The following ARHGAP32 variants were observed in gnomAD, a reference collection of about 807,000 sequenced individuals.
The protein encoded by ARHGAP32 is Rho GTPase activating protein 32, also known as rho GTPase-activating protein 32.
Under a neutral mutation model 186.5 loss-of-function variants are expected in ARHGAP32, and 51 were observed. The observed-to-expected ratio is 0.27, with a 90% confidence interval of 0.22 to 0.35. The LOEUF is 0.35. Ranked by LOEUF, ARHGAP32 falls within the 10% of genes least tolerant of loss-of-function variation. The probability of loss-of-function intolerance (pLI) is 1.00; values close to 1 mark genes in which losing one functional copy is unlikely to be tolerated. For synonymous variants in ARHGAP32, 950 were observed against 964.3 expected (o/e 0.99, Z 0.27); for missense variants, 2,186 against 2,623.5 (o/e 0.83, Z 3.64).
chr11:129,064,090 ATAAAAGAAATTC>A (rs1664859751), intron 8 of ARHGAP32, 66 bp from the exon 9 acceptor site: 2 of 1,410,418 alleles, frequency 1.4e-6, no homozygotes, highest in Non-Finnish European at 9.5e-7. Context: ...TTGACTATCT[ATAAAAGAAATTC>A]ATTTTAATTT....
intron 10 of ARHGAP32, among the ~76,000 whole-genome samples, chr11:129,052,941 T>C (rs755693186): frequency 7.9e-5 from 12 of 151,820 alleles, no homozygotes; most frequent in Admixed American, 2.0e-4. Flanking sequence ...AAAGAGGGGG[T>C]ATTAGGGTTT....
intron 1 of ARHGAP32, among the ~76,000 whole-genome samples, chr11:129,170,591 T>C (rs945710202): frequency 2.6e-5 from 4 of 152,186 alleles, no homozygotes; most frequent in Non-Finnish European, 2.9e-5. Flanking sequence ...TGATGGCCAT[T>C]TGGGTTGGTT....
chr11:129,195,375 A>G (rs1422834845), upstream of ARHGAP32, among the ~76,000 whole-genome samples: 1 of 152,180 alleles, frequency 6.6e-6, no homozygotes, highest in Non-Finnish European at 1.5e-5. Flanking sequence ...GAGCCTTTCA[A>G]AAGTGAAAAC....
At chr11:128,991,426 A>C (rs1946047639) in intron 12 of ARHGAP32, among the ~76,000 whole-genome samples, 2 of 152,190 alleles carry the variant, frequency 1.3e-5, no homozygotes, top group African/African-American at 4.8e-5. Flanking sequence ...CTTGAAGAAA[A>C]GGAGCAAAAA....
At position 129,100,534 on chromosome 11, in the gene ARHGAP32, G is replaced by A. The variant is rs115227398; in HGVS notation, c.445-6827C>T. On this transcript the variant is annotated intron_variant, in intron 5 of 22. Transcript: ENST00000682385. Reference sequence around the variant, plus strand: ...TCCACACATCACTTTGCTGGCACATGTCAGTATGGGCAGGTTTCGCTTTCC... The same window carrying A: ...TCCACACATCACTTTGCTGGCACATATCAGTATGGGCAGGTTTCGCTTTCC... 3.1e-3 allele frequency among the ~76,000 whole-genome samples: 476 copies of A among 152,242 alleles called. 4 individuals are homozygous for A. The highest frequency in any genetic ancestry group is 0.011 in the African/African-American group (460 of 41,524).
Position 129,265,815 on chromosome 11 carries a change from A to G in ARHGAP32, c.-5+13331T>C, listed in dbSNP as rs779231408. Among the ~76,000 whole-genome samples, 40 of 152,230 alleles carry G rather than the reference A, an allele frequency of 2.6e-4. 1 individual carries two copies. The highest frequency in any genetic ancestry group is 4.3e-4 in the Non-Finnish European group (29 of 68,034). ...TTCCTGTCTTATGTAATCTAACCTTATATAAATGAGTTTGAGGTGACCATT... is the reference window on the plus strand; with the variant it reads ...TTCCTGTCTTATGTAATCTAACCTTGTATAAATGAGTTTGAGGTGACCATT... On this transcript the variant is annotated intron_variant, in intron 1 of 6. Coordinates refer to the ARHGAP32 transcript ENST00000525234.
intron 2 of ARHGAP32, among the ~76,000 whole-genome samples, chr11:129,161,162 A>G (rs1218951870): frequency 6.6e-6 from 1 of 152,196 alleles, no homozygotes; most frequent in Non-Finnish European, 1.5e-5. Flanking sequence ...CTCAAAATGA[A>G]TTAAAGACTT....
chr11:129,129,528 G>A (rs373503010), intron 2 of ARHGAP32, among the ~76,000 whole-genome samples: 10 of 152,366 alleles, frequency 6.6e-5, no homozygotes, highest in African/African-American at 2.4e-4. Context: ...ACCTGTCTGG[G>A]AGGTGTACCC....
At chr11:129,104,019 A>T (rs192367379) in intron 5 of ARHGAP32, among the ~76,000 whole-genome samples, 2 of 152,266 alleles carry the variant, frequency 1.3e-5, no homozygotes, top group Admixed American at 1.3e-4. Context: ...TAACAGATGG[A>T]ACGGTTTAAG....
At chr11:129,037,642 T>C (rs1201290315) in intron 11 of ARHGAP32, among the ~76,000 whole-genome samples, 1 of 151,964 alleles carries the variant, frequency 6.6e-6, no homozygotes, top group African/African-American at 2.4e-5. Context: ...CATCCTACTC[T>C]GTAGAAACTG....
intron 2 of ARHGAP32, among the ~76,000 whole-genome samples, chr11:129,151,557 C>T (rs1395513198): frequency 2.0e-5 from 3 of 151,948 alleles, no homozygotes; most frequent in Non-Finnish European, 4.4e-5. Context: ...GAAATTAACT[C>T]GAAAAGGAAC....
chr11:129,240,224 T>C (rs1249024424), intron 1 of ARHGAP32, among the ~76,000 whole-genome samples: 1 of 152,100 alleles, frequency 6.6e-6, no homozygotes, highest in African/African-American at 2.4e-5. Context: ...GGTAAAGTTA[T>C]AGCAGTTTAG....
intron 10 of ARHGAP32, among the ~76,000 whole-genome samples, chr11:129,056,098 A>C (rs181285242): frequency 1.3e-3 from 196 of 152,232 alleles, no homozygotes; most frequent in Non-Finnish European, 1.6e-4. Flanking sequence ...AGGTAAACTC[A>C]GCTAATCAGC....
chr11:128,983,436 T>C (rs1945767499), intron 15 of ARHGAP32, among the ~76,000 whole-genome samples: 2 of 151,442 alleles, frequency 1.3e-5, no homozygotes, highest in Admixed American at 6.6e-5. Context: ...TAGGTGGGAA[T>C]TGAACAATGA....
chr11:129,015,593 C>G (rs1228098356), intron 11 of ARHGAP32, among the ~76,000 whole-genome samples: 2 of 152,140 alleles, frequency 1.3e-5, no homozygotes, highest in Non-Finnish European at 2.9e-5. Context: ...TCATTTCCAT[C>G]CATGTAACGA....
chr11:129,193,569 A>AT (rs1944319135), upstream of ARHGAP32, among the ~76,000 whole-genome samples: 1 of 12,982 alleles, frequency 7.7e-5, no homozygotes, highest in Non-Finnish European at 1.3e-4. Flanking sequence ...TATTATATAT[A>AT]ATATATATAT....
Position 129,164,365 on chromosome 11 carries a change from A to G in ARHGAP32, c.179T>C (p.Val60Ala). 1.3e-6 allele frequency: 2 copies of G among 1,584,376 alleles called. No individual in the cohort carries two copies. The highest frequency in any genetic ancestry group is 1.7e-6 in the Non-Finnish European group (2 of 1,163,746). Reference sequence around the variant, plus strand: ...CCAATCAGGCCGCTCTCGAGGGTGTACATTTCTATGTAGCTCTGGAACAAA... The same window carrying G: ...CCAATCAGGCCGCTCTCGAGGGTGTGCATTTCTATGTAGCTCTGGAACAAA... Reference protein sequence around the residue: ...DDFVPELHRNVHPRERPDWEE... With the variant: ...DDFVPELHRNAHPRERPDWEE... Residue 60 changes from valine (V) to alanine (A), a missense_variant, in exon 2 of 23, where the codon GTA becomes GCA. Val to Ala is a moderately conservative substitution (Grantham distance 64, BLOSUM62 0). Transcript: ENST00000682385.
chr11:129,048,444 T>C lies in ARHGAP32; in HGVS notation c.964-7435A>G, dbSNP rs182033067. On this transcript the variant is annotated intron_variant, in intron 10 of 22. Coordinates refer to ENST00000682385, the MANE Select transcript of ARHGAP32 (RefSeq NM_001378024.1). ...TCTCTGGAAAAAGAAAATCAGATACTAATGATAGTTTAAGTAAGGAGTAGT... is the reference window on the plus strand; with the variant it reads ...TCTCTGGAAAAAGAAAATCAGATACCAATGATAGTTTAAGTAAGGAGTAGT... Among the ~76,000 whole-genome samples the C allele has an allele frequency of 8.9e-3, 1,349 of 152,002 alleles. 22 individuals are homozygous for C. The highest frequency in any genetic ancestry group is 0.031 in the African/African-American group (1,281 of 41,466).
intron 5 of ARHGAP32, among the ~76,000 whole-genome samples, chr11:129,116,868 C>A (rs1942382143): frequency 6.6e-6 from 1 of 151,834 alleles, no homozygotes; most frequent in Non-Finnish European, 1.5e-5. Context: ...AGAACTTCTG[C>A]CTTTCTCTAA....
Sources: allele counts gnomAD v4.1 joint callset (sites outside exome capture counted in the v4.1 genomes callset), GRCh38; gene constraint gnomAD v4.1.1; transcripts MANE v1.5; gene names NCBI Gene and HGNC (gene_info 2026-07-23, HGNC 2026-07-21).